Variants in PDE8A observed in about 807,000 individuals in gnomAD.
The protein encoded by PDE8A is high affinity cAMP-specific and IBMX-insensitive 3',5'-cyclic phosphodiesterase 8A.
In PDE8A, 59 loss-of-function variants were observed where a neutral mutation model predicts 105.0. The observed-to-expected ratio is 0.56, with a 90% CI of 0.46 to 0.70. The LOEUF is 0.70. Among genes scored for constraint, PDE8A ranks in the 30% least tolerant of loss-of-function variants. The pLI is 0.00. For synonymous variants in PDE8A, 355 were observed against 371.9 expected, an observed-to-expected ratio of 0.95 and a Z score of 0.52; for missense variants, 1,014 against 1,045.9, an observed-to-expected ratio of 0.97 and a Z score of 0.42.
chr15:84,982,892 A>G (rs1353664168), intron 1 of PDE8A, among the ~76,000 whole-genome samples: 2 of 152,216 alleles, frequency 1.3e-5, no homozygotes, highest in African/African-American at 4.8e-5. Context: ...TTCATTGCAC[A>G]TGTATTTGAG....
At chr15:85,007,417 T>C (rs2080165947) in intron 1 of PDE8A, among the ~76,000 whole-genome samples, 2 of 150,158 alleles carry the variant, frequency 1.3e-5, no homozygotes, top group Admixed American at 6.7e-5. Flanking sequence ...GGGCGGCTTC[T>C]AGTATGCCGG....
At chr15:85,019,943 GTTTTTTTTTTTT>G (rs201634002) in intron 1 of PDE8A, among the ~76,000 whole-genome samples, 18 of 64,774 alleles carry the variant, frequency 2.8e-4, no homozygotes, top group Admixed American at 2.4e-4. Flanking sequence ...TTTTTTTTTG[GTTTTTTTTTTTT>G]TTTTTTTTTT....
At chr15:85,008,665 C>T (rs1398415575) in intron 1 of PDE8A, among the ~76,000 whole-genome samples, 1 of 152,158 alleles carries the variant, frequency 6.6e-6, no homozygotes, top group East Asian at 1.9e-4. Context: ...CGGCCAAACC[C>T]TTTTCTGACT....
At chr15:85,086,985 A>C (rs781432931) in intron 6 of PDE8A, among the ~76,000 whole-genome samples, 4 of 150,760 alleles carry the variant, frequency 2.7e-5, no homozygotes, top group Non-Finnish European at 4.4e-5. Flanking sequence ...GCCGGTCTCA[A>C]ACTCTGACTA....
At chr15:85,096,108 C>T (rs888826313) in intron 8 of PDE8A, among the ~76,000 whole-genome samples, 4 of 151,984 alleles carry the variant, frequency 2.6e-5, no homozygotes, top group African/African-American at 9.7e-5. Flanking sequence ...ATCTCTTGAC[C>T]TCGTGATCCA....
At chr15:84,985,301 A>T (rs1158482808) in intron 1 of PDE8A, among the ~76,000 whole-genome samples, 4 of 152,238 alleles carry the variant, frequency 2.6e-5, no homozygotes, top group Non-Finnish European at 5.9e-5. Context: ...TGTCTGTATG[A>T]ACTTATTTAA....
chr15:85,117,553 A>G, intron 16 of PDE8A, 88 bp from the exon 17 acceptor site: 1 of 1,129,976 alleles, frequency 8.8e-7, no homozygotes, highest in South Asian at 1.3e-5. Context: ...GCACTCTCTG[A>G]AATTTGGCTT....
intron 13 of PDE8A, 137 bp from the exon 14 acceptor site, chr15:85,113,736 T>A (rs538150681): frequency 1.4e-6 from 1 of 690,602 alleles, no homozygotes; most frequent in South Asian, 1.9e-5. Flanking sequence ...CCCAGGCTAG[T>A]CTCAAACTCC....
intron 1 of PDE8A, among the ~76,000 whole-genome samples, chr15:85,060,570 T>G (rs1299216929): frequency 6.6e-6 from 1 of 152,242 alleles, no homozygotes; most frequent in Non-Finnish European, 1.5e-5. Context: ...TATAAGGTAC[T>G]TGAGCATCCA....
chr15:85,022,548 T>G (rs2080445797), intron 1 of PDE8A, among the ~76,000 whole-genome samples: 1 of 151,590 alleles, frequency 6.6e-6, no homozygotes, highest in African/African-American at 2.4e-5. Context: ...AAATTTTTTT[T>G]TTTTTTTTTG....
chr15:85,138,061 C>G lies in PDE8A; in HGVS notation c.*158C>G. The G allele has an allele frequency of 1.8e-6, 1 of 563,486 alleles. No individual in the cohort carries two copies. The highest frequency in any genetic ancestry group is 3.2e-6 in the Non-Finnish European group (1 of 314,610). 34.9% of individuals were successfully genotyped at this position (563,486 alleles called of 1,614,324 possible). ...CGGGGACATCAGTAACCTTCTGCAGCCACCATCCAATGCCATTACTGTCAA... is the reference window on the plus strand; with the variant it reads ...CGGGGACATCAGTAACCTTCTGCAGGCACCATCCAATGCCATTACTGTCAA... On this transcript the variant is annotated 3_prime_UTR_variant, in exon 22 of 22. Coordinates refer to ENST00000394553, the MANE Select transcript of PDE8A (RefSeq NM_002605.3).
chr15:85,117,629 T>C lies in PDE8A; in HGVS notation c.1536-12T>C. Reference sequence around the variant, plus strand: ...CTTTGTTCTAATATTGTGGGGTTTTTTCTGTCTATAGGCCTTTGATTTATC... The same window carrying C: ...CTTTGTTCTAATATTGTGGGGTTTTCTCTGTCTATAGGCCTTTGATTTATC... On this transcript the variant is annotated splice_polypyrimidine_tract_variant and intron_variant, in intron 16 of 21. Transcript: ENST00000394553. The C allele has an allele frequency of 6.2e-7, 1 of 1,612,008 alleles. No homozygotes were observed. The highest frequency in any genetic ancestry group is 8.5e-7 in the Non-Finnish European group (1 of 1,178,270).
intron 1 of PDE8A, among the ~76,000 whole-genome samples, chr15:85,042,513 G>T (rs1413861236): frequency 6.6e-6 from 1 of 152,170 alleles, no homozygotes; most frequent in Admixed American, 6.5e-5. Flanking sequence ...CAGAAGGTCC[G>T]ATGGTTTAAT....
intron 1 of PDE8A, among the ~76,000 whole-genome samples, chr15:84,996,167 G>A (rs2060785): frequency 0.88 from 132,927 of 151,896 alleles, 58,640 homozygotes; most frequent in African/African-American, 0.96. Flanking sequence ...TTTTTAGATA[G>A]TGTTTTTAAA....
In PDE8A at chr15:85,032,692, T is replaced by A. The variant is rs79044488; in HGVS notation, c.187-31678T>A. Among the ~76,000 whole-genome samples, 1,211 of 152,302 alleles carry A rather than the reference T, an allele frequency of 8.0e-3. 19 individuals are homozygous for A. The highest frequency in any genetic ancestry group is 0.028 in the African/African-American group (1,145 of 41,578). On this transcript the variant is annotated intron_variant, in intron 1 of 21. Transcript: ENST00000394553. Reference sequence around the variant, plus strand: ...GAGTATCATATAACTATTAAAATTATAATTTAGATCTGTATTTTCAAGAAA... The same window carrying A: ...GAGTATCATATAACTATTAAAATTAAAATTTAGATCTGTATTTTCAAGAAA...
chr15:85,046,763 A>G (rs995887083), intron 1 of PDE8A, among the ~76,000 whole-genome samples: 4 of 152,122 alleles, frequency 2.6e-5, no homozygotes, highest in African/African-American at 7.2e-5. Context: ...TTATATATCT[A>G]TTTTCTTTCT....
At chr15:84,996,571 T>C (rs1004451527) in intron 1 of PDE8A, among the ~76,000 whole-genome samples, 1 of 151,984 alleles carries the variant, frequency 6.6e-6, no homozygotes, top group African/African-American at 2.4e-5. Context: ...ATGCCTGTAA[T>C]CCCAGCACTT....
chr15:85,091,221 C>G lies in PDE8A; in HGVS notation c.852+40C>G, dbSNP rs1244068072. Reference sequence around the variant, plus strand: ...AGTGCCTTTTTTAACTTTCACAACACAGAGAGAAGGAAGACTTAGTGTTCA... The same window carrying G: ...AGTGCCTTTTTTAACTTTCACAACAGAGAGAGAAGGAAGACTTAGTGTTCA... On this transcript the variant is annotated intron_variant, in intron 8 of 21. Transcript: ENST00000394553. 7 of 1,543,812 alleles carry G rather than the reference C, an allele frequency of 4.5e-6. No homozygotes were observed. In the East Asian group the frequency reaches 1.6e-4, roughly 35 times the overall value.
In PDE8A at chr15:84,982,059, G is replaced by A; in HGVS notation, c.-104G>A. 3 of 609,774 alleles carry A rather than the reference G, an allele frequency of 4.9e-6. No homozygotes were observed. The highest frequency in any genetic ancestry group is 6.9e-6 in the Non-Finnish European group (3 of 435,876). 37.8% of individuals were successfully genotyped at this position (609,774 alleles called of 1,614,324 possible). A position where few individuals can be genotyped will look rare whatever the true frequency, so the allele number is the denominator to read the frequency against. ...ATCCGCGCTCGCCGCCGCCCGCCCA[G>A]GCGGCGATGACACGGCGCCCGCGGC... On this transcript the variant is annotated 5_prime_UTR_variant, in exon 1 of 22. Coordinates refer to ENST00000394553, the MANE Select transcript of PDE8A (RefSeq NM_002605.3).
Sources: allele counts gnomAD v4.1 joint callset (sites outside exome capture counted in the v4.1 genomes callset), GRCh38; gene constraint gnomAD v4.1.1; transcripts MANE v1.5; gene names NCBI Gene and HGNC (gene_info 2026-07-23, HGNC 2026-07-21).